Variants in CRACD observed in about 807,000 individuals in gnomAD.
CRACD encodes capping protein-inhibiting regulator of actin dynamics.
CRACD carries 56 observed loss-of-function variants against 106.8 expected under a neutral mutation model. The ratio of observed to expected loss-of-function variants is 0.52; its 90% CI spans 0.42 to 0.66. The LOEUF (loss-of-function observed/expected upper bound fraction) is 0.66, where lower values mean the gene tolerates loss of function less well. CRACD is among the 30% of genes least tolerant of loss of function. The pLI is 0.00. For missense variants in CRACD, 1,730 were observed against 1,623.2 expected, an observed-to-expected ratio of 1.07 and a Z score of -1.13; for synonymous variants, 754 against 670.8, an observed-to-expected ratio of 1.12 and a Z score of -1.92.
chr4:56,142,662 T>G (rs1363546156), intron 1 of CRACD, among the ~76,000 whole-genome samples: 1 of 152,178 alleles, frequency 6.6e-6, no homozygotes, highest in Non-Finnish European at 1.5e-5. Flanking sequence ...CTTTTAGTAT[T>G]CTAATGAGTT....
At chr4:56,175,399 T>A (rs949586197) in intron 1 of CRACD, among the ~76,000 whole-genome samples, 2 of 152,234 alleles carry the variant, frequency 1.3e-5, no homozygotes, top group African/African-American at 4.8e-5. Flanking sequence ...TATTGTGGTT[T>A]TTGATTTGCA....
chr4:56,066,444 G>A (rs192780658), intron 1 of CRACD, among the ~76,000 whole-genome samples: 57 of 152,340 alleles, frequency 3.7e-4, no homozygotes, highest in Non-Finnish European at 7.1e-4. Flanking sequence ...TTGAGAGGCT[G>A]GGGTGGGAGG....
intron 10 of CRACD, 61 bp downstream of exon 10, chr4:56,324,327 T>C: frequency 6.6e-7 from 1 of 1,512,840 alleles, no homozygotes; most frequent in Admixed American, 1.8e-5. Context: ...TAGAGCGTGC[T>C]TTATATCCTA....
intron 1 of CRACD, among the ~76,000 whole-genome samples, chr4:56,051,844 G>A (rs911493341): frequency 1.3e-5 from 2 of 152,144 alleles, no homozygotes; most frequent in African/African-American, 4.8e-5. Context: ...GGCTTTACTG[G>A]CTACTAGCTC....
At chr4:56,075,306 C>T (rs552383801) in intron 1 of CRACD, among the ~76,000 whole-genome samples, 29 of 152,242 alleles carry the variant, frequency 1.9e-4, no homozygotes, top group Admixed American at 6.5e-4. Flanking sequence ...GCCGTGAATC[C>T]GTCTGGACCT....
At chr4:56,080,319 A>AT (rs1188816783) in intron 1 of CRACD, among the ~76,000 whole-genome samples, 2 of 152,084 alleles carry the variant, frequency 1.3e-5, no homozygotes, top group East Asian at 1.9e-4. Flanking sequence ...ATAAAACGGT[A>AT]TTTTTTTTCC....
chr4:56,249,780 C>T (rs1740941940), intron 2 of CRACD, among the ~76,000 whole-genome samples: 1 of 152,086 alleles, frequency 6.6e-6, no homozygotes, highest in Admixed American at 6.6e-5. Context: ...GGTTTCTGGC[C>T]ATCTTAGAAA....
intron 1 of CRACD, among the ~76,000 whole-genome samples, chr4:56,110,098 A>G (rs1042575012): frequency 4.6e-5 from 7 of 152,234 alleles, no homozygotes; most frequent in Non-Finnish European, 5.9e-5. Context: ...TCAGAAAAAA[A>G]GGGGCAAATC....
chr4:56,090,587 G>T (rs1733394846), intron 1 of CRACD, among the ~76,000 whole-genome samples: 1 of 152,094 alleles, frequency 6.6e-6, no homozygotes, highest in Admixed American at 6.5e-5. Context: ...TAGAGACAAG[G>T]TTTTGCCATG....
rs1222174494 is a variant in CRACD at position 56,104,985 on chromosome 4, G to GCTAATAAAA, written c.-336+55690_-336+55698dup. Reference sequence around the variant, plus strand: ...CCGTCTCAAAAAAAAAAAAAAAAAAGCTAATAAAACTACCTGCCCCCAAGT... The same window carrying GCTAATAAAA: ...CCGTCTCAAAAAAAAAAAAAAAAAAGCTAATAAAACTAATAAAACTACCTGCCCCCAAGT... On this transcript the variant is annotated intron_variant, in intron 1 of 10. Transcript: ENST00000682029. 4.9e-5 allele frequency among the ~76,000 whole-genome samples: 7 copies of GCTAATAAAA among 142,818 alleles called. No individual in the cohort carries two copies. The East Asian group carries it at 1.4e-3, about 29-fold the overall frequency. The allele number at this position is 142,818 out of a possible 152,430, so 93.7% of individuals were successfully genotyped here. A position where few individuals can be genotyped will look rare whatever the true frequency, so the allele number is the denominator to read the frequency against.
Position 56,068,448 on chromosome 4 carries a change from T to G in CRACD, c.-336+19149T>G, listed in dbSNP as rs569301772. Among the ~76,000 whole-genome samples the G allele has an allele frequency of 2.6e-5, 4 of 152,336 alleles. No homozygotes were observed. In the East Asian group the frequency reaches 7.7e-4, roughly 29 times the overall value. ...GAAGGACTTTGACTTTTACTTCAGA[T>G]GAGACAGGCAGACTTTGGAGGGTTT... On this transcript the variant is annotated intron_variant, in intron 1 of 10. Coordinates refer to ENST00000682029, the MANE Select transcript of CRACD (RefSeq NM_001393381.1).
At chr4:56,217,978 G>A (rs559816040) in intron 2 of CRACD, among the ~76,000 whole-genome samples, 6 of 152,222 alleles carry the variant, frequency 3.9e-5, no homozygotes, top group African/African-American at 1.4e-4. Flanking sequence ...CTCTGTCCTG[G>A]CTTCTGGTAG....
intron 4 of CRACD, among the ~76,000 whole-genome samples, chr4:56,307,164 A>G (rs538403909): frequency 2.6e-5 from 4 of 152,292 alleles, no homozygotes; most frequent in African/African-American, 9.6e-5. Flanking sequence ...TGCACTTTTA[A>G]GAGACTTTTT....
chr4:56,182,865 G>GTA (rs1227920534), intron 2 of CRACD, among the ~76,000 whole-genome samples: 2 of 27,876 alleles, frequency 7.2e-5, no homozygotes, highest in African/African-American at 1.8e-4. Context: ...AAAAAGATAT[G>GTA]TGTGTGTGTG....
intron 2 of CRACD, among the ~76,000 whole-genome samples, chr4:56,214,403 G>A (rs1376187975): frequency 2.6e-5 from 4 of 151,800 alleles, no homozygotes; most frequent in Non-Finnish European, 5.9e-5. Flanking sequence ...GACCATCCTG[G>A]CCAACATGGT....
chr4:56,234,087 G>C (rs1363982905), intron 2 of CRACD, among the ~76,000 whole-genome samples: 1 of 151,548 alleles, frequency 6.6e-6, no homozygotes, highest in Non-Finnish European at 1.5e-5. Flanking sequence ...TTTAATAATA[G>C]CTTTATTGAG....
intron 2 of CRACD, among the ~76,000 whole-genome samples, chr4:56,199,331 C>G (rs2109470645): frequency 6.6e-6 from 1 of 152,246 alleles, no homozygotes; most frequent in African/African-American, 2.4e-5. Context: ...TATTTTCACT[C>G]TAATAGCATC....
intron 3 of CRACD, among the ~76,000 whole-genome samples, chr4:56,293,558 GC>G (rs1327443993): frequency 6.6e-6 from 1 of 152,204 alleles, no homozygotes; most frequent in East Asian, 1.9e-4. Flanking sequence ...GATCCTGCAT[GC>G]TGTACAGGAA....
intron 2 of CRACD, among the ~76,000 whole-genome samples, chr4:56,196,674 T>G (rs1361733237): frequency 1.3e-5 from 2 of 152,230 alleles, no homozygotes; most frequent in African/African-American, 2.4e-5. Context: ...CTAGTGACTC[T>G]GTCTTTACTA....
Sources: allele counts gnomAD v4.1 joint callset (sites outside exome capture counted in the v4.1 genomes callset), GRCh38; gene constraint gnomAD v4.1.1; transcripts MANE v1.5; gene names NCBI Gene and HGNC (gene_info 2026-07-23, HGNC 2026-07-21).